The following CCNC variants were observed in gnomAD, a reference collection of about 807,000 sequenced individuals.
CCNC encodes cyclin-C.
In CCNC, 19 loss-of-function variants were observed where a neutral mutation model predicts 50.0. That is an observed-to-expected ratio of 0.38 (90% CI 0.27 to 0.56). The LOEUF is 0.56. Ranked by LOEUF, CCNC falls within the 20% of genes least tolerant of loss-of-function variation. CCNC has a pLI of 0.72. For missense variants in CCNC, 200 were observed against 327.1 expected (o/e 0.61, Z 3.00); for synonymous variants, 93 against 103.7 (o/e 0.90, Z 0.63).
At chr6:99,544,354 A>G (rs1801989766) in intron 11 of CCNC, 1 of 1,289,484 alleles carries the variant, frequency 7.8e-7, no homozygotes, top group Non-Finnish European at 1.1e-6. Context: ...CTTTTTCCAA[A>G]TTGTAACATT....
rs918704516 is a variant in CCNC at position 99,568,210 on chromosome 6, A to T, written c.32+286T>A. On this transcript the variant is annotated intron_variant, in intron 1 of 11. Coordinates refer to ENST00000520429, the MANE Select transcript of CCNC (RefSeq NM_005190.4). ...CACTCTATCCGACCCCCCGCGGCCT[A>T]GCTAAACCAAGAATCCGAAATTAAA... 114 of 491,232 alleles carry T rather than the reference A, an allele frequency of 2.3e-4. 1 individual carries two copies. The highest frequency in any genetic ancestry group is 1.1e-3 in the Middle Eastern group (2 of 1,826). 30.4% of individuals were successfully genotyped at this position (491,232 alleles called of 1,614,324 possible). A position where few individuals can be genotyped will look rare whatever the true frequency, so the allele number is the denominator to read the frequency against.
chr6:99,567,598 T>C (rs1003301519), intron 1 of CCNC, among the ~76,000 whole-genome samples: 4 of 152,200 alleles, frequency 2.6e-5, no homozygotes, highest in Non-Finnish European at 5.9e-5. Flanking sequence ...ACAGATCCTA[T>C]TCACAGAATC....
intron 9 of CCNC, among the ~76,000 whole-genome samples, chr6:99,546,694 G>A (rs919338803): frequency 3.3e-5 from 5 of 152,116 alleles, no homozygotes; most frequent in East Asian, 1.9e-4. Context: ...TCCTCACTGC[G>A]TGCTAGTCAT....
chr6:99,566,379 T>G (rs1769124282), intron 1 of CCNC, among the ~76,000 whole-genome samples: 1 of 152,096 alleles, frequency 6.6e-6, no homozygotes, highest in African/African-American at 2.4e-5. Flanking sequence ...ACATTCAAGC[T>G]TTGGTTACAT....
chr6:99,561,838 C>G, intron 2 of CCNC, 157 bp from the exon 3 acceptor site: 2 of 493,202 alleles, frequency 4.1e-6, no homozygotes, highest in South Asian at 7.8e-5. Flanking sequence ...TGGTCTAATT[C>G]TAGGATTTGC....
At chr6:99,549,457 TA>T in intron 9 of CCNC, 50 bp downstream of exon 9, 2 of 1,266,120 alleles carry the variant, frequency 1.6e-6, no homozygotes, top group Non-Finnish European at 2.3e-6. Context: ...TAGGATGACC[TA>T]AATAAGTTTA....
At position 99,568,560 on chromosome 6, in the gene CCNC, G is replaced by T. The variant is rs753873535; in HGVS notation, c.-33C>A. On this transcript the variant is annotated 5_prime_UTR_variant, in exon 1 of 12. In the 5' UTR this introduces an upstream ATG that the reference lacks. Transcript: ENST00000520429. ...AGCTTGCCCTGATAAAAAAGCACCA[G>T]CCGGCGGAGCGGCCCGCGGAGCGAC... 1.2e-6 allele frequency: 2 copies of T among 1,607,436 alleles called. No individual in the cohort carries two copies. The highest frequency in any genetic ancestry group is 3.4e-5 in the Admixed American group (2 of 59,338).
At chr6:99,560,952 T>C (rs571852574) in intron 4 of CCNC, among the ~76,000 whole-genome samples, 1 of 152,328 alleles carries the variant, frequency 6.6e-6, no homozygotes, top group African/African-American at 2.4e-5. Flanking sequence ...ACTTACTGAA[T>C]ACTACTCAGT....
intron 9 of CCNC, among the ~76,000 whole-genome samples, chr6:99,547,037 T>C (rs1562487408): frequency 6.7e-6 from 1 of 149,268 alleles, no homozygotes; most frequent in Non-Finnish European, 1.5e-5. Flanking sequence ...AAATGTAATA[T>C]ACTGTATACA....
intron 1 of CCNC, among the ~76,000 whole-genome samples, chr6:99,567,848 GAA>G (rs773649995): frequency 6.6e-6 from 1 of 152,088 alleles, no homozygotes; most frequent in Non-Finnish European, 1.5e-5. Context: ...AAAGGTTAAA[GAA>G]ACAGGTAAAC....
At chr6:99,546,526 A>G (rs1338781569) in intron 9 of CCNC, 52 bp from the exon 10 acceptor site, 1 of 1,121,902 alleles carries the variant, frequency 8.9e-7, no homozygotes, top group Non-Finnish European at 1.4e-6. Context: ...AACACAGAAT[A>G]TATGATCTAA....
chr6:99,560,824 T>G (rs117564195), intron 4 of CCNC, among the ~76,000 whole-genome samples: 91 of 152,332 alleles, frequency 6.0e-4, no homozygotes, highest in Admixed American at 1.3e-3. Flanking sequence ...ATCCTTGCCT[T>G]CCTTCTGGCT....
chr6:99,555,963 T>C (rs1299615447), intron 5 of CCNC, among the ~76,000 whole-genome samples: 1 of 151,216 alleles, frequency 6.6e-6, no homozygotes, highest in Non-Finnish European at 1.5e-5. Flanking sequence ...CCCTTCTTTT[T>C]ATAAGAACTG....
chr6:99,550,835 C>A lies in CCNC; in HGVS notation c.438+158G>T, dbSNP rs957880185. 1.7e-5 allele frequency: 6 copies of A among 344,192 alleles called. No individual in the cohort carries two copies. The South Asian group carries it at 3.2e-4, about 18-fold the overall frequency. 21.3% of individuals were successfully genotyped at this position (344,192 alleles called of 1,614,324 possible). ...AATTATTTTACAGGCTTCAGAGAGA[C>A]TCTAGGTGCTAATATAAATAGGCTA... is the stretch of plus-strand genomic sequence containing the variant. On this transcript the variant is annotated intron_variant, in intron 7 of 11. Transcript: ENST00000520429.
At chr6:99,557,035 T>G (rs914649922) in intron 5 of CCNC, among the ~76,000 whole-genome samples, 4 of 149,788 alleles carry the variant, frequency 2.7e-5, no homozygotes, top group Non-Finnish European at 6.0e-5. Context: ...ATTTCCTTAC[T>G]CACCATTCAG....
At chr6:99,552,785 G>A (rs933228386) in intron 5 of CCNC, among the ~76,000 whole-genome samples, 1 of 152,162 alleles carries the variant, frequency 6.6e-6, no homozygotes, top group African/African-American at 2.4e-5. Context: ...GCTCATGCCT[G>A]TAATCCCAGC....
Position 99,545,093 on chromosome 6 carries a change from A to G in CCNC, c.797+19T>C. The stretch of plus-strand genomic sequence containing the variant: ...GATATATGATTAAATGACATCAATA[A>G]TTAAAGTCTACAAAGTACCTGTTTG... On this transcript the variant is annotated intron_variant, in intron 11 of 11. Transcript: ENST00000520429. 1.7e-6 allele frequency: 2 copies of G among 1,154,336 alleles called. No individual in the cohort carries two copies. Among genetic ancestry groups the G allele is most frequent in the Non-Finnish European group, 2.6e-6 (2 of 764,346 alleles). 71.5% of individuals were successfully genotyped at this position (1,154,336 alleles called of 1,614,324 possible). A position where few individuals can be genotyped will look rare whatever the true frequency, so the allele number is the denominator to read the frequency against.
At chr6:99,562,758 A>AT in intron 2 of CCNC, 84 bp downstream of exon 2, 1 of 713,714 alleles carries the variant, frequency 1.4e-6, no homozygotes, top group South Asian at 1.8e-5. Flanking sequence ...ATGCACTAAA[A>AT]CAGTTCACAA....
chr6:99,547,913 T>G (rs1802133958), intron 9 of CCNC, among the ~76,000 whole-genome samples: 1 of 152,122 alleles, frequency 6.6e-6, no homozygotes, highest in Non-Finnish European at 1.5e-5. Flanking sequence ...GCACAAAATG[T>G]ACTGGTAAAC....
Sources: allele counts gnomAD v4.1 joint callset (sites outside exome capture counted in the v4.1 genomes callset), GRCh38; gene constraint gnomAD v4.1.1; transcripts MANE v1.5; gene names NCBI Gene and HGNC (gene_info 2026-07-23, HGNC 2026-07-21).